Variants in RLN2 observed in about 807,000 individuals in gnomAD.
The protein encoded by RLN2 is prorelaxin H2.
Under a neutral mutation model 7.3 loss-of-function variants are expected in RLN2, and 10 were observed. The ratio of observed to expected loss-of-function variants is 1.36; its 90% confidence interval spans 0.84 to 2.31. The LOEUF (loss-of-function observed/expected upper bound fraction) is 2.31. Ranked by LOEUF, RLN2 falls within the 30% of genes most tolerant of loss-of-function variation. The pLI is 0.00. For missense variants in RLN2, 298 were observed against 217.6 expected (o/e 1.37, Z -2.32); for synonymous variants, 103 against 82.3 (o/e 1.25, Z -1.36).
At chr9:5,301,240 C>T (rs759836499) in intron 1 of RLN2, among the ~76,000 whole-genome samples, 13 of 152,184 alleles carry the variant, frequency 8.5e-5, no homozygotes, top group Non-Finnish European at 1.8e-4. Flanking sequence ...GGAAGGGAGC[C>T]TGTTCTTACA....
At chr9:5,328,960 A>C in the RLN2 span, among the ~76,000 whole-genome samples, 4 of 152,074 alleles carry the variant, frequency 2.6e-5, no homozygotes, top group Non-Finnish European at 5.9e-5. Flanking sequence ...AACAACCAGT[A>C]CCAGCCACTG....
the RLN2 span, among the ~76,000 whole-genome samples, chr9:5,331,792 T>G: frequency 1.3e-5 from 2 of 152,004 alleles, no homozygotes; most frequent in East Asian, 3.9e-4. Context: ...GTTGTGCACA[T>G]GTACCCTAGA....
At chr9:5,318,234 T>A in the RLN2 span, among the ~76,000 whole-genome samples, 2 of 152,032 alleles carry the variant, frequency 1.3e-5, no homozygotes, top group Non-Finnish European at 2.9e-5. Flanking sequence ...ACCCTGCCAC[T>A]TTTATTTTCT....
the RLN2 span, among the ~76,000 whole-genome samples, chr9:5,322,444 A>G: frequency 6.6e-6 from 1 of 152,078 alleles, no homozygotes; most frequent in Admixed American, 6.5e-5. Context: ...ATCCAAGGAG[A>G]GAAGTTAATT....
the RLN2 span, among the ~76,000 whole-genome samples, chr9:5,318,998 G>C: frequency 6.6e-6 from 1 of 151,996 alleles, no homozygotes; most frequent in African/African-American, 2.4e-5. Flanking sequence ...GATCTGGGAA[G>C]AAAAGCCTCT....
chr9:5,300,449 T>A lies in RLN2; in HGVS notation c.212-5A>T, dbSNP rs766410053. 6.3e-6 allele frequency: 10 copies of A among 1,580,812 alleles called. No homozygotes were observed. Among genetic ancestry groups the A allele is most frequent in the Admixed American group, 5.6e-5 (3 of 53,646 alleles). On this transcript the variant is annotated splice_polypyrimidine_tract_variant and splice_region_variant and intron_variant, in intron 1 of 1. Coordinates refer to ENST00000381627, the MANE Select transcript of RLN2 (RefSeq NM_134441.3). Reference sequence around the variant, plus strand: ...TGATGAAGGATGGCACAATTTCTGTTAAATTTAAAAAAAAAGGTGTATGTG... The same window carrying A: ...TGATGAAGGATGGCACAATTTCTGTAAAATTTAAAAAAAAAGGTGTATGTG...
chr9:5,335,353 G>C, the RLN2 span: 3 of 1,613,426 alleles, frequency 1.9e-6, no homozygotes, highest in Admixed American at 3.3e-5. Context: ...GAGTATCCAA[G>C]CCTAAGTATT....
Position 5,300,229 on chromosome 9 carries a change from T to C in RLN2, c.427A>G (p.Ser143Gly), listed in dbSNP as rs1275857417. 1 of 1,614,040 alleles carries C rather than the reference T, an allele frequency of 6.2e-7. No homozygotes were observed. The highest frequency in any genetic ancestry group is 8.5e-7 in the Non-Finnish European group (1 of 1,179,906). The stretch of plus-strand genomic sequence containing the variant: ...AAGTATTTTAATTCTGAAGGACTGC[T>C]GTCTGCGGCTTCACTTTGTCTATTG... Reference protein sequence around the residue: ...IRNRQSEAADSSPSELKYLGL... With the variant: ...IRNRQSEAADGSPSELKYLGL... Residue 143 changes from serine (S) to glycine (G), a missense_variant, in exon 2 of 2, where the codon AGC (serine) becomes GGC (glycine). Transcript: ENST00000381627.
At chr9:5,304,999 C>G (rs149555948), upstream of RLN2, 16 of 172,266 alleles carry the variant, frequency 9.3e-5, no homozygotes, top group African/African-American at 3.8e-4. Context: ...ACTCAGTTTT[C>G]TAGAGTGAAC....
chr9:5,320,804 G>A, the RLN2 span, among the ~76,000 whole-genome samples: 1 of 152,168 alleles, frequency 6.6e-6, no homozygotes, highest in African/African-American at 2.4e-5. Flanking sequence ...CACAAACCTG[G>A]AAGAAAGATA....
At chr9:5,319,523 T>G in the RLN2 span, among the ~76,000 whole-genome samples, 204 of 152,048 alleles carry the variant, frequency 1.3e-3, 5 homozygotes, top group African/African-American at 4.7e-3. Context: ...CATCCTCCAG[T>G]GGTAGTTAAA....
Position 5,300,157 on chromosome 9 carries a change from A to T in RLN2, c.499T>A (p.Leu167Met). The change falls in exon 2 of 2, where the codon TTG becomes ATG. Residue 167 changes from leucine (L) to methionine (M), a missense_variant. Coordinates refer to ENST00000381627, the MANE Select transcript of RLN2 (RefSeq NM_134441.3). Reference protein sequence around the residue: ...SRKKRQLYSALANKCCHVGCT... With the variant: ...SRKKRQLYSAMANKCCHVGCT... ...CCAACATGGCAACATTTATTAGCCA[A>T]TGCACTGTAGAGTTGTCTCTTTTTT... 6.2e-7 allele frequency: 1 copy of T among 1,612,080 alleles called. No individual in the cohort carries two copies. Among genetic ancestry groups the T allele is most frequent in the Non-Finnish European group, 8.5e-7 (1 of 1,179,482 alleles).
At chr9:5,332,809 G>A in the RLN2 span, among the ~76,000 whole-genome samples, 3 of 151,838 alleles carry the variant, frequency 2.0e-5, no homozygotes, top group African/African-American at 7.3e-5. Flanking sequence ...TAGAAACGGG[G>A]TTTCACCATG....
At chr9:5,335,447 T>G in the RLN2 span, 1 of 1,613,770 alleles carries the variant, frequency 6.2e-7, no homozygotes, top group South Asian at 1.1e-5. Context: ...AAGATTGGAA[T>G]CCTTTAATGC....
the RLN2 span, among the ~76,000 whole-genome samples, chr9:5,333,447 C>T: frequency 6.6e-6 from 1 of 152,030 alleles, no homozygotes; most frequent in Non-Finnish European, 1.5e-5. Context: ...TTCCTGGACA[C>T]ATACACCCTC....
chr9:5,327,920 A>G, the RLN2 span, among the ~76,000 whole-genome samples: 1 of 152,054 alleles, frequency 6.6e-6, no homozygotes, highest in South Asian at 2.1e-4. Context: ...CACCAACATC[A>G]AAGACCAAAA....
At chr9:5,310,730 C>G in the RLN2 span, among the ~76,000 whole-genome samples, 111 of 152,126 alleles carry the variant, frequency 7.3e-4, 2 homozygotes, top group African/African-American at 2.7e-3. Flanking sequence ...CACTGGAGTA[C>G]AAGTGTTTTA....
At chr9:5,306,120 T>G (rs1407030439), upstream of RLN2, among the ~76,000 whole-genome samples, 2 of 150,474 alleles carry the variant, frequency 1.3e-5, no homozygotes, top group African/African-American at 2.5e-5. Context: ...TTTTTTTTTT[T>G]TTTTTTTAAC....
At chr9:5,334,573 C>T in the RLN2 span, among the ~76,000 whole-genome samples, 1 of 151,868 alleles carries the variant, frequency 6.6e-6, no homozygotes, top group East Asian at 1.9e-4. Flanking sequence ...ACTATTTCTT[C>T]TGTAATATAT....
Sources: allele counts gnomAD v4.1 joint callset (sites outside exome capture counted in the v4.1 genomes callset), GRCh38; gene constraint gnomAD v4.1.1; transcripts MANE v1.5; gene names NCBI Gene and HGNC (gene_info 2026-07-23, HGNC 2026-07-21).